Variants in MACF1 observed in about 807,000 individuals in gnomAD.
MACF1 encodes the protein microtubule-actin cross-linking factor 1.
A neutral mutation model predicts 854.8 loss-of-function variants in MACF1; 193 were observed. The ratio of observed to expected loss-of-function variants is 0.23; its 90% CI spans 0.20 to 0.25. MACF1 has a LOEUF of 0.25. Ranked by LOEUF, MACF1 falls within the 10% of genes least tolerant of loss-of-function variation. MACF1 has a pLI of 1.00. For missense variants in MACF1, 7,722 were observed against 8,929.1 expected, an observed-to-expected ratio of 0.86 and a Z score of 5.45; for synonymous variants, 3,185 against 3,226.7, an observed-to-expected ratio of 0.99 and a Z score of 0.44.
rs557850828 is a variant in MACF1 at position 39,259,514 on chromosome 1, G to A, written c.528+1486G>A. 5.2e-4 allele frequency among the ~76,000 whole-genome samples: 79 copies of A among 152,044 alleles called. 2 individuals are homozygous for A. Among genetic ancestry groups the A allele is most frequent in the Non-Finnish European group, 3.1e-4 (21 of 67,966 alleles). ...TGCTCTCAGGTGATCCACCCACCTC[G>A]GTCTCCCAAAGTGTTGGGATTACAG... On this transcript the variant is annotated intron_variant, in intron 6 of 100. Coordinates refer to ENST00000564288, the MANE Select transcript of MACF1 (RefSeq NM_001394062.1).
chr1:39,223,705 CAG>C lies in MACF1; in HGVS notation c.110-7476_110-7475del, dbSNP rs541802767. Among the ~76,000 whole-genome samples, 679 of 152,022 alleles carry C rather than the reference CAG, an allele frequency of 4.5e-3. 2 individuals are homozygous for C. The highest frequency in any genetic ancestry group is 0.014 in the African/African-American group (590 of 41,444). On this transcript the variant is annotated intron_variant, in intron 1 of 100. Transcript: ENST00000564288. ...CTAATTTTTGTATTTTTAGTAGAGA[CAG>C]GGGTTCACCAAGTAGGCCGGGCTGG... is the stretch of plus-strand genomic sequence containing the variant.
In MACF1 at chr1:39,335,674, C is replaced by T. The variant is rs1316837104; in HGVS notation, c.9086C>T (p.Ala3029Val). 6.2e-7 allele frequency: 1 copy of T among 1,613,878 alleles called. No homozygotes were observed. Among genetic ancestry groups the T allele is most frequent in the Non-Finnish European group, 8.5e-7 (1 of 1,179,996 alleles). ...ACCTCAAGTGAAAAAGGGAAAGAAGCTGATACAGAAATGGGATTTTCTATT... is the reference window on the plus strand; with the variant it reads ...ACCTCAAGTGAAAAAGGGAAAGAAGTTGATACAGAAATGGGATTTTCTATT... ...EMTSSEKGKE[A>V]DTEMGFSITF... is the part of the protein sequence containing the mutation. The change falls in exon 37 of 101, where the codon GCT (alanine) becomes GTT (valine). Residue 3029 changes from alanine to valine, a missense_variant. Transcript: ENST00000564288.
intron 40 of MACF1, among the ~76,000 whole-genome samples, chr1:39,346,144 A>T (rs1055273757): frequency 9.9e-5 from 15 of 151,806 alleles, no homozygotes; most frequent in Non-Finnish European, 8.8e-5. Flanking sequence ...CGGGCAGATC[A>T]TGAGGTCAGG....
chr1:39,236,981 A>G (rs1419850120), intron 2 of MACF1, among the ~76,000 whole-genome samples: 2 of 152,160 alleles, frequency 1.3e-5, no homozygotes, highest in Admixed American at 6.5e-5. Flanking sequence ...AATTTCTTCC[A>G]TGGCTACTAG....
intron 58 of MACF1, among the ~76,000 whole-genome samples, chr1:39,418,472 C>T (rs1026000395): frequency 5.9e-5 from 9 of 152,226 alleles, no homozygotes; most frequent in African/African-American, 1.9e-4. Context: ...TGACGTCGTT[C>T]TCTCACTCCC....
At chr1:39,478,331 AGGAAGGAAACACTGGATCAT>A (rs1465739414) in intron 97 of MACF1, among the ~76,000 whole-genome samples, 2 of 152,206 alleles carry the variant, frequency 1.3e-5, no homozygotes, top group East Asian at 3.9e-4. Context: ...AGGCTTGAGG[AGGAAGGAAACACTGGATCAT>A]GGAAGGAAAC....
intron 23 of MACF1, 98 bp downstream of exon 23, chr1:39,303,176 A>G: frequency 2.9e-6 from 4 of 1,378,488 alleles, no homozygotes; most frequent in African/African-American, 1.4e-5. Context: ...TTTTGAACAC[A>G]GTGGTAAAGT....
At position 39,105,336 on chromosome 1, in the gene MACF1, C is replaced by T. The variant is rs1642200054; in HGVS notation, c.220+20898C>T. On this transcript the variant is annotated intron_variant, in intron 2 of 93. Coordinates refer to the MACF1 transcript ENST00000361689. The surrounding 1 kb of genome is among the most constrained non-coding windows in gnomAD (Gnocchi z 5.9). ...TGACAGGAGGAGCCGCCGCCGCCGCCCGCCGCTGCAGCCGCGCCGGGGCGG... is the reference window on the plus strand; with the variant it reads ...TGACAGGAGGAGCCGCCGCCGCCGCTCGCCGCTGCAGCCGCGCCGGGGCGG... 4.3e-6 allele frequency: 4 copies of T among 922,714 alleles called. No individual in the cohort carries two copies. Among genetic ancestry groups the T allele is most frequent in the African/African-American group, 1.8e-5 (1 of 55,900 alleles). 57.2% of individuals were successfully genotyped at this position (922,714 alleles called of 1,614,324 possible).
rs149993611 is a variant in MACF1 at position 39,118,016 on chromosome 1, C to A, written c.220+33578C>A. ...CTCTCTGATATCCTTTCTAGTCATG[C>A]AGGACCTTTTTGCCATATTATCTAT... On this transcript the variant is annotated intron_variant, in intron 2 of 93. Transcript: ENST00000361689. 2.9e-3 allele frequency among the ~76,000 whole-genome samples: 443 copies of A among 152,312 alleles called. 3 individuals are homozygous for A. Among genetic ancestry groups the A allele is most frequent in the African/African-American group, 0.01 (434 of 41,580 alleles).
At position 39,486,831 on chromosome 1, in the gene MACF1, G is replaced by A. The variant is rs1409012853; in HGVS notation, c.*1037G>A. On this transcript the variant is annotated 3_prime_UTR_variant, in exon 101 of 101. Coordinates refer to ENST00000564288, the MANE Select transcript of MACF1 (RefSeq NM_001394062.1). ...AAGTGACCATGAAAAGGGGCTGTCT[G>A]GGGCTCCTGTTTTTTAGCTGCTGTT... 6.6e-6 allele frequency: 1 copy of A among 152,598 alleles called. No individual in the cohort carries two copies. Among genetic ancestry groups the A allele is most frequent in the Non-Finnish European group, 1.5e-5 (1 of 68,048 alleles). 9.5% of individuals were successfully genotyped at this position (152,598 alleles called of 1,614,324 possible).
intron 5 of MACF1, among the ~76,000 whole-genome samples, chr1:39,256,480 G>C (rs1645097879): frequency 6.6e-6 from 1 of 152,126 alleles, no homozygotes; most frequent in South Asian, 2.1e-4. Context: ...CATTTGAGAA[G>C]GTCACTAGGG....
chr1:39,186,210 CTCTCTGTG>C (rs1487059346), intron 2 of MACF1, among the ~76,000 whole-genome samples: 85 of 69,310 alleles, frequency 1.2e-3, no homozygotes, highest in African/African-American at 5.7e-3. Context: ...CTCTCTCTCT[CTCTCTGTG>C]TGTGTGTGTG....
At chr1:39,399,818 T>C (rs1642408917) in intron 58 of MACF1, among the ~76,000 whole-genome samples, 2 of 152,258 alleles carry the variant, frequency 1.3e-5, no homozygotes, top group Admixed American at 1.3e-4. Flanking sequence ...CCTCAGTTAA[T>C]TCACTTTTGT....
rs1168393704 is a variant in MACF1 at position 39,333,006 on chromosome 1, G to A, written c.6418G>A (p.Glu2140Lys). ...CCTGACCATACCTCCTGCTGAGGCG[G>A]AAGGTGTGCCGTTGGTGGTTGACAA... is the stretch of plus-strand genomic sequence containing the variant. ...HLLTIPPAEAEGVPLVVDKDV... is the reference protein window; with the variant it reads ...HLLTIPPAEAKGVPLVVDKDV... The change falls in exon 37 of 101, where the codon GAA becomes AAA. Residue 2140 changes from glutamate to lysine, a missense_variant. Coordinates refer to ENST00000564288, the MANE Select transcript of MACF1 (RefSeq NM_001394062.1). 4.3e-6 allele frequency: 7 copies of A among 1,614,124 alleles called. No individual in the cohort carries two copies. The East Asian group carries it at 1.3e-4, about 31-fold the overall frequency.
intron 74 of MACF1, 70 bp from the exon 75 acceptor site, chr1:39,441,882 C>T: frequency 9.0e-7 from 1 of 1,116,668 alleles, no homozygotes. Flanking sequence ...CTTATGTTAG[C>T]AGAGATAATG....
At chr1:39,432,918 T>C (rs1643899199) in intron 67 of MACF1, 130 bp from the exon 68 acceptor site, 1 of 629,686 alleles carries the variant, frequency 1.6e-6, no homozygotes, top group African/African-American at 1.9e-5. Flanking sequence ...AGAGAAGATG[T>C]TGGATAGGCA....
intron 52 of MACF1, among the ~76,000 whole-genome samples, chr1:39,377,159 C>A (rs532279825): frequency 1.3e-5 from 2 of 151,998 alleles, no homozygotes; most frequent in East Asian, 3.9e-4. Flanking sequence ...TACAGGCGTC[C>A]GCTGCCACAC....
chr1:39,403,610 T>G lies in MACF1; in HGVS notation c.15816+14952T>G, dbSNP rs376078100. 9.8e-5 allele frequency among the ~76,000 whole-genome samples: 15 copies of G among 152,336 alleles called. No individual in the cohort carries two copies. The East Asian group carries it at 2.5e-3, about 25-fold the overall frequency. ...CACTATATGGCATTATCTTTGTTTT[T>G]TTCCCTCTAACCTCTACCTTCTCTC... On this transcript the variant is annotated intron_variant, in intron 58 of 100. Transcript: ENST00000564288.
intron 2 of MACF1, chr1:39,102,583 G>T: frequency 1.7e-6 from 1 of 602,900 alleles, no homozygotes; most frequent in Non-Finnish European, 2.9e-6. Context: ...CATTAGAGGC[G>T]CTGAAAGAAA....
Sources: gnomAD v4.1 joint callset for allele counts (sites outside exome capture counted in the v4.1 genomes callset) on GRCh38, gnomAD v4.1.1 for gene constraint, Gnocchi (gnomAD v3.1) non-coding constraint, MANE v1.5 for transcripts, NCBI Gene and HGNC (gene_info 2026-07-23, HGNC 2026-07-21) for gene names.